The following COL4A6 variants were observed in gnomAD, a reference collection of about 807,000 sequenced individuals.
COL4A6 encodes the protein collagen type IV alpha 6 chain.
A neutral mutation model predicts 126.7 loss-of-function variants in COL4A6; 59 were observed. That is an observed-to-expected ratio of 0.47 (90% CI 0.38 to 0.58). COL4A6 has a LOEUF of 0.58. COL4A6 is among the 20% of genes least tolerant of loss of function. COL4A6 has a pLI of 0.00. For synonymous variants in COL4A6, 547 were observed against 496.6 expected (o/e 1.10, Z -1.35); for missense variants, 1,285 against 1,337.3 (o/e 0.96, Z 0.61).
chrX:108,318,830 A>C (rs1484852831), intron 2 of COL4A6, among the ~76,000 whole-genome samples: 4 of 112,532 alleles, frequency 3.6e-5, no homozygotes, highest in East Asian at 5.6e-4. Context: ...TAATCCAATA[A>C]GACACAAGCA....
At position 108,346,394 on chromosome X, in the gene COL4A6, G is replaced by A. The variant is rs759006202; in HGVS notation, c.64-35566C>T. 6.3e-5 allele frequency among the ~76,000 whole-genome samples: 7 copies of A among 110,798 alleles called. No individual in the cohort carries two copies. The South Asian group carries it at 1.2e-3, about 19-fold the overall frequency. ...CCTCTGAAATGAAAAAAAAAATACC[G>A]CCTTTCACAAACTGTCCAGAGGCCT... On this transcript the variant is annotated intron_variant, in intron 2 of 44. Transcript: ENST00000334504.
intron 6 of COL4A6, among the ~76,000 whole-genome samples, chrX:108,213,421 A>C (rs893433741): frequency 8.9e-6 from 1 of 111,910 alleles, no homozygotes; most frequent in African/African-American, 3.3e-5. Flanking sequence ...ATCTGGATGA[A>C]TAGAATTAAA....
At chrX:108,323,443 G>A (rs1035034488) in intron 2 of COL4A6, among the ~76,000 whole-genome samples, 1 of 111,770 alleles carries the variant, frequency 8.9e-6, no homozygotes, top group Non-Finnish European at 1.9e-5. Flanking sequence ...GGATGTGATT[G>A]TTCTGTCTTC....
At chrX:108,213,995 C>A in intron 6 of COL4A6, 117 bp downstream of exon 6, 1 of 576,278 alleles carries the variant, frequency 1.7e-6, no homozygotes, top group South Asian at 2.4e-5. Context: ...CTACATTGGA[C>A]AAGGGTGTGT....
At chrX:108,389,151 TA>T (rs772970761) in intron 2 of COL4A6, among the ~76,000 whole-genome samples, 1 of 112,222 alleles carries the variant, frequency 8.9e-6, no homozygotes, top group East Asian at 2.8e-4. Context: ...TAGTCAATTT[TA>T]GAATAAGTGA....
rs375201682 is a variant in COL4A6 at position 108,276,769 on chromosome X, G to A, written c.144+33979C>T. 5.9e-4 allele frequency among the ~76,000 whole-genome samples: 66 copies of A among 111,881 alleles called. 2 individuals are homozygous for A. Among genetic ancestry groups the A allele is most frequent in the Admixed American group, 2.7e-3 (29 of 10,565 alleles). ...CAGCAAGCCACTCTGCCATTTTAAA[G>A]GTGTTTGCTGCTTGGCTGCTAGGTG... On this transcript the variant is annotated intron_variant, in intron 3 of 44. Transcript: ENST00000334504.
intron 3 of COL4A6, among the ~76,000 whole-genome samples, chrX:108,276,129 T>C (rs1467007642): frequency 1.8e-5 from 2 of 112,912 alleles, no homozygotes; most frequent in African/African-American, 6.4e-5. Context: ...CTTATGACAA[T>C]TATCTCCCTC....
chrX:108,271,351 A>G (rs973129934), intron 3 of COL4A6, among the ~76,000 whole-genome samples: 10 of 112,324 alleles, frequency 8.9e-5, no homozygotes, highest in Non-Finnish European at 1.1e-4. Flanking sequence ...TGGGCTGACT[A>G]AAGATGATCC....
chrX:108,277,883 G>A (rs1377276679), intron 3 of COL4A6, among the ~76,000 whole-genome samples: 1 of 112,326 alleles, frequency 8.9e-6, no homozygotes, highest in Non-Finnish European at 1.9e-5. Context: ...GGCAAGCAGT[G>A]TCTGGAGTAG....
rs28850060 is a variant in COL4A6 at position 108,402,810 on chromosome X, G to A, written c.63+35132C>T. Among the ~76,000 whole-genome samples, 569 of 110,777 alleles carry A rather than the reference G, an allele frequency of 5.1e-3. 3 individuals are homozygous for A. Among genetic ancestry groups the A allele is most frequent in the African/African-American group, 0.017 (508 of 30,672 alleles). ...TATGGTTAGAAAACATGTTCTAGAC[G>A]TATGGATTTCTTTAAATTCTGTTGT... On this transcript the variant is annotated intron_variant, in intron 2 of 44. Transcript: ENST00000334504.
intron 23 of COL4A6, 150 bp from the exon 24 acceptor site, chrX:108,181,118 A>G (rs1417233208): frequency 2.1e-6 from 1 of 476,889 alleles, no homozygotes; most frequent in African/African-American, 2.4e-5. Flanking sequence ...CCTTGGCATC[A>G]TTAGCTCTGG....
At chrX:108,336,166 C>T (rs1462048200) in intron 2 of COL4A6, among the ~76,000 whole-genome samples, 1 of 111,649 alleles carries the variant, frequency 9.0e-6, no homozygotes, top group Non-Finnish European at 1.9e-5. Context: ...AGTGTCCAAA[C>T]AAAAACTTCT....
chrX:108,315,672 C>T (rs1358234468), intron 2 of COL4A6, among the ~76,000 whole-genome samples: 7 of 111,679 alleles, frequency 6.3e-5, no homozygotes, highest in Non-Finnish European at 1.3e-4. Flanking sequence ...CCCTTTACCA[C>T]AAACAAAACT....
intron 3 of COL4A6, among the ~76,000 whole-genome samples, chrX:108,269,738 TATC>T (rs2037400618): frequency 8.9e-6 from 1 of 112,189 alleles, no homozygotes; most frequent in Non-Finnish European, 1.9e-5. Flanking sequence ...CTGGTTCAAT[TATC>T]ATGTGACGTT....
chrX:108,193,490 G>A (rs1237148994), intron 17 of COL4A6, 138 bp downstream of exon 17: 7 of 502,781 alleles, frequency 1.4e-5, no homozygotes, highest in Non-Finnish European at 2.4e-5. Flanking sequence ...CCCAAGCTCA[G>A]GAGCCATGAG....
chrX:108,271,593 C>T (rs2037452707), intron 3 of COL4A6, among the ~76,000 whole-genome samples: 1 of 111,385 alleles, frequency 9.0e-6, no homozygotes, highest in Non-Finnish European at 1.9e-5. Flanking sequence ...GGAGGAACAA[C>T]CATCTGCTGC....
rs1312650412 is a variant in COL4A6 at position 108,155,618 on chromosome X, GATTTC to G, written c.*1377_*1381del. Reference sequence around the variant, plus strand: ...GAACATCAAAAGAGTCACATGTTCAGATTTCATTTATTTTATTTGCTATGTACAAA... The same window carrying G: ...GAACATCAAAAGAGTCACATGTTCAGATTTATTTTATTTGCTATGTACAAA... On this transcript the variant is annotated 3_prime_UTR_variant, in exon 45 of 45. Transcript: ENST00000334504. The G allele has an allele frequency of 1.8e-5, 2 of 111,997 alleles. No individual in the cohort carries two copies. Among genetic ancestry groups the G allele is most frequent in the Non-Finnish European group, 3.8e-5 (2 of 53,250 alleles). 9.2% of individuals were successfully genotyped at this position (111,997 alleles called of 1,213,427 possible).
chrX:108,343,991 G>C (rs957068371), intron 2 of COL4A6, among the ~76,000 whole-genome samples: 5 of 110,655 alleles, frequency 4.5e-5, no homozygotes, highest in Non-Finnish European at 9.5e-5. Flanking sequence ...AAATAAAATT[G>C]CATGTTTTTT....
intron 2 of COL4A6, among the ~76,000 whole-genome samples, chrX:108,314,800 C>T (rs922417183): frequency 2.4e-4 from 27 of 112,078 alleles, no homozygotes; most frequent in Admixed American, 9.4e-5. Flanking sequence ...ATGAGGATGG[C>T]AACAGTATCT....
Sources: allele counts gnomAD v4.1 joint callset (sites outside exome capture counted in the v4.1 genomes callset), GRCh38; gene constraint gnomAD v4.1.1; transcripts MANE v1.5; gene names NCBI Gene and HGNC (gene_info 2026-07-23, HGNC 2026-07-21).